DNAJC6: variants seen among roughly 807,000 people sequenced by gnomAD.
The protein encoded by DNAJC6 is DnaJ heat shock protein family (Hsp40) member C6, also known as auxilin.
A neutral mutation model predicts 110.0 loss-of-function variants in DNAJC6; 34 were observed. That is an observed-to-expected ratio of 0.31 (90% CI 0.24 to 0.41). The LOEUF (loss-of-function observed/expected upper bound fraction) is 0.41. Among genes scored for constraint, DNAJC6 ranks in the 10% least tolerant of loss-of-function variants. DNAJC6 has a pLI of 1.00. For missense variants in DNAJC6, 1,031 were observed against 1,207.8 expected, an observed-to-expected ratio of 0.85 and a Z score of 2.17; for synonymous variants, 406 against 437.2, an observed-to-expected ratio of 0.93 and a Z score of 0.89.
At chr1:65,278,491 A>C (rs1371550231) in intron 1 of DNAJC6, among the ~76,000 whole-genome samples, 2 of 152,220 alleles carry the variant, frequency 1.3e-5, no homozygotes, top group Admixed American at 1.3e-4. Flanking sequence ...CTAGTACTTG[A>C]AAATGTACTA....
At chr1:65,319,635 A>T (rs1298161215) in intron 1 of DNAJC6, among the ~76,000 whole-genome samples, 1 of 151,904 alleles carries the variant, frequency 6.6e-6, no homozygotes, top group Non-Finnish European at 1.5e-5. Flanking sequence ...AAATAAAAAA[A>T]ACAAAAAACA....
intron 18 of DNAJC6, among the ~76,000 whole-genome samples, chr1:65,411,709 C>T (rs189632145): frequency 2.5e-3 from 352 of 138,876 alleles, no homozygotes; most frequent in African/African-American, 9.0e-3. Context: ...TGGCTCATGC[C>T]TGTAATCCCA....
At chr1:65,275,368 A>G (rs1203857978) in intron 1 of DNAJC6, among the ~76,000 whole-genome samples, 1 of 152,218 alleles carries the variant, frequency 6.6e-6, no homozygotes, top group Admixed American at 6.5e-5. Context: ...ATGGGGAAGC[A>G]GGTGTTCCCC....
chr1:65,409,833 A>G (rs1459677686), intron 17 of DNAJC6, among the ~76,000 whole-genome samples: 1 of 152,208 alleles, frequency 6.6e-6, no homozygotes, highest in Non-Finnish European at 1.5e-5. Context: ...CCTCAAATCA[A>G]ATCAACATAC....
At chr1:65,293,769 A>G (rs1161809668) in intron 1 of DNAJC6, among the ~76,000 whole-genome samples, 2 of 152,166 alleles carry the variant, frequency 1.3e-5, no homozygotes, top group East Asian at 3.8e-4. Flanking sequence ...CTATGCACAA[A>G]TAGGGGCAGA....
At chr1:65,310,200 T>TG (rs1306995779) in intron 1 of DNAJC6, among the ~76,000 whole-genome samples, 30 of 13,968 alleles carry the variant, frequency 2.1e-3, no homozygotes, top group African/African-American at 8.1e-3. Flanking sequence ...ATACGGCAGC[T>TG]GGGGGCGGGG....
intron 1 of DNAJC6, among the ~76,000 whole-genome samples, chr1:65,322,998 C>A (rs1219939000): frequency 6.6e-6 from 1 of 152,156 alleles, no homozygotes; most frequent in Non-Finnish European, 1.5e-5. Context: ...TCATGAATAA[C>A]CATTGTTAAC....
At chr1:65,338,616 C>T (rs1419352531) in intron 1 of DNAJC6, among the ~76,000 whole-genome samples, 1 of 152,062 alleles carries the variant, frequency 6.6e-6, no homozygotes, top group Non-Finnish European at 1.5e-5. Context: ...AGCTTCTGTC[C>T]CTGCCCCCTC....
At chr1:65,310,005 G>A in intron 1 of DNAJC6, 67 bp downstream of exon 1, 2 of 1,376,816 alleles carry the variant, frequency 1.5e-6, no homozygotes, top group Non-Finnish European at 9.4e-7. Flanking sequence ...CAGTCGCCCG[G>A]CCCGAGGCCC....
At position 65,401,391 on chromosome 1, in the gene DNAJC6, A is replaced by G. The variant is rs74084204; in HGVS notation, c.2108-370A>G. ...ACTAATGGTAAAATGCTGAAGCTCA[A>G]AGATGTTAAGCAAGATTCCCACGGT... On this transcript the variant is annotated intron_variant, in intron 14 of 18. Coordinates refer to ENST00000371069, the MANE Select transcript of DNAJC6 (RefSeq NM_001256864.2). Among the ~76,000 whole-genome samples the G allele has an allele frequency of 9.7e-3, 1,482 of 152,310 alleles. 26 individuals are homozygous for G. The highest frequency in any genetic ancestry group is 0.034 in the African/African-American group (1,429 of 41,574).
chr1:65,391,866 C>T (rs1645929832), intron 11 of DNAJC6, among the ~76,000 whole-genome samples: 1 of 152,174 alleles, frequency 6.6e-6, no homozygotes, highest in Admixed American at 6.5e-5. Flanking sequence ...CAACCTCTAC[C>T]TCCCGGGTTC....
chr1:65,265,179 A>G lies in DNAJC6; in HGVS notation c.-131+247A>G, dbSNP rs1749971. ...GTCCTAAATATAACCCTATTTTTGC[A>G]TTCTTAATCTTGGCTGAGTAACACA... On this transcript the variant is annotated intron_variant, in intron 1 of 19. Transcript: ENST00000263441. 0.66 allele frequency among the ~76,000 whole-genome samples: 100,112 copies of G among 152,076 alleles called. 34,266 individuals are homozygous for G. Among genetic ancestry groups the G allele is most frequent in the South Asian group, 0.87 (4,212 of 4,824 alleles).
Position 65,309,958 on chromosome 1 carries a change from G to A in DNAJC6, c.193+20G>A, listed in dbSNP as rs1455691794. ...GCTCAGGTAGCGCTGCCCGAGGGGA[G>A]TGCAGCGCTGAGCCCCGCGCGGCCT... On this transcript the variant is annotated intron_variant, in intron 1 of 18. Coordinates refer to ENST00000371069, the MANE Select transcript of DNAJC6 (RefSeq NM_001256864.2). 2.1e-6 allele frequency: 3 copies of A among 1,404,764 alleles called. No individual in the cohort carries two copies. The highest frequency in any genetic ancestry group is 1.5e-5 in the African/African-American group (1 of 65,746). 87.0% of individuals were successfully genotyped at this position (1,404,764 alleles called of 1,614,324 possible).
chr1:65,398,113 C>T (rs1645996816), intron 13 of DNAJC6, among the ~76,000 whole-genome samples: 1 of 152,162 alleles, frequency 6.6e-6, no homozygotes, highest in African/African-American at 2.4e-5. Context: ...TCCTCTAGTA[C>T]ACCTGATTCC....
intron 1 of DNAJC6, among the ~76,000 whole-genome samples, chr1:65,356,111 C>T (rs1160453700): frequency 2.0e-5 from 3 of 151,940 alleles, no homozygotes; most frequent in Non-Finnish European, 4.4e-5. Flanking sequence ...TACAGGTTGC[C>T]TTCTGTAATG....
In DNAJC6 at chr1:65,291,722, T is replaced by C. The variant is rs76669509; in HGVS notation, c.-131+26790T>C. ...GGGTCAGATACTCTGCTGGGTGCTGTAAATATCACCTATCATTCATAAAGC... is the reference window on the plus strand; with the variant it reads ...GGGTCAGATACTCTGCTGGGTGCTGCAAATATCACCTATCATTCATAAAGC... On this transcript the variant is annotated intron_variant, in intron 1 of 19. Coordinates refer to the DNAJC6 transcript ENST00000263441. Among the ~76,000 whole-genome samples the C allele has an allele frequency of 1.3e-4, 20 of 152,284 alleles. No homozygotes were observed. In the East Asian group the frequency reaches 3.9e-3, roughly 29 times the overall value.
rs1570329260 is a variant in DNAJC6 at position 65,364,456 on chromosome 1, G to C, written c.194-179G>C. Reference sequence around the variant, plus strand: ...TGACCTGGGTCTCCCCTGAGGACCAGTAGCAATGCTATAACTCAGAGTCTA... The same window carrying C: ...TGACCTGGGTCTCCCCTGAGGACCACTAGCAATGCTATAACTCAGAGTCTA... On this transcript the variant is annotated intron_variant, in intron 1 of 18. Coordinates refer to ENST00000371069, the MANE Select transcript of DNAJC6 (RefSeq NM_001256864.2). 3.3e-5 allele frequency among the ~76,000 whole-genome samples: 5 copies of C among 152,202 alleles called. No individual in the cohort carries two copies. In the South Asian group the frequency reaches 1.0e-3, roughly 32 times the overall value.
intron 4 of DNAJC6, among the ~76,000 whole-genome samples, chr1:65,374,083 T>G (rs571857548): frequency 6.6e-6 from 1 of 152,292 alleles, no homozygotes; most frequent in South Asian, 2.1e-4. Flanking sequence ...CAAAGATGAA[T>G]TGGTGGTAAA....
Position 65,309,703 on chromosome 1 carries a change from CG to C in DNAJC6, c.-42del. The C allele has an allele frequency of 6.5e-7, 1 of 1,535,156 alleles. No homozygotes were observed. Among genetic ancestry groups the C allele is most frequent in the Non-Finnish European group, 8.8e-7 (1 of 1,140,312 alleles). On this transcript the variant is annotated 5_prime_UTR_variant, in exon 1 of 19. Transcript: ENST00000371069. Reference sequence around the variant, plus strand: ...CCTTTCCACCTTCCATCTCCCTTTTCGCTTCCCAGGTTGATTATTTTCTCTT... The same window carrying C: ...CCTTTCCACCTTCCATCTCCCTTTTCCTTCCCAGGTTGATTATTTTCTCTT...
Sources: gnomAD v4.1 joint callset for allele counts (sites outside exome capture counted in the v4.1 genomes callset) on GRCh38, gnomAD v4.1.1 for gene constraint, MANE v1.5 for transcripts, NCBI Gene and HGNC (gene_info 2026-07-23, HGNC 2026-07-21) for gene names.